ANKFN1: variants seen among roughly 807,000 people sequenced by gnomAD.
ANKFN1 encodes ankyrin repeat and fibronectin type-III domain-containing protein 1.
ANKFN1 carries 74 observed loss-of-function variants against 108.7 expected under a neutral mutation model. The ratio of observed to expected loss-of-function variants is 0.68; its 90% CI spans 0.56 to 0.83. The LOEUF is 0.83. ANKFN1 is among the 40% of genes least tolerant of loss of function. ANKFN1 has a pLI of 0.00. For missense variants in ANKFN1, 1,505 were observed against 1,382.3 expected (o/e 1.09, Z -1.41); for synonymous variants, 547 against 516.2 (o/e 1.06, Z -0.81).
chr17:56,260,839 G>A (rs2043492236), intron 3 of ANKFN1, among the ~76,000 whole-genome samples: 1 of 152,118 alleles, frequency 6.6e-6, no homozygotes, highest in Admixed American at 6.5e-5. Context: ...CCTGCTTAGT[G>A]CCTGGGTGGC....
intron 4 of ANKFN1, among the ~76,000 whole-genome samples, chr17:56,048,634 G>A (rs1474466928): frequency 1.3e-5 from 2 of 152,196 alleles, no homozygotes; most frequent in Non-Finnish European, 2.9e-5. Flanking sequence ...ACAGGCATGA[G>A]GAAATCAAGC....
chr17:56,401,671 CT>C (rs2047770283), intron 8 of ANKFN1, among the ~76,000 whole-genome samples: 1 of 151,824 alleles, frequency 6.6e-6, no homozygotes, highest in African/African-American at 2.4e-5. Flanking sequence ...CTGAATGCCC[CT>C]TTTTTTCTCT....
At chr17:56,215,539 CTGAT>C (rs1346127159) in intron 2 of ANKFN1, among the ~76,000 whole-genome samples, 1 of 152,194 alleles carries the variant, frequency 6.6e-6, no homozygotes, top group Non-Finnish European at 1.5e-5. Flanking sequence ...AAGAAAGAAT[CTGAT>C]TGAGACAGGA....
chr17:56,341,223 T>G (rs2045950161), intron 4 of ANKFN1, among the ~76,000 whole-genome samples: 1 of 152,156 alleles, frequency 6.6e-6, no homozygotes, highest in African/African-American at 2.4e-5. Context: ...TGGGATTTTC[T>G]AGATATAAGA....
chr17:56,497,742 TA>T, intron 19 of ANKFN1, among the ~76,000 whole-genome samples: 1 of 152,238 alleles, frequency 6.6e-6, no homozygotes, highest in South Asian at 2.1e-4. Flanking sequence ...AAATAAATCC[TA>T]AAGTTTCAGA....
intron 1 of ANKFN1, among the ~76,000 whole-genome samples, chr17:56,200,359 G>A (rs1175195268): frequency 6.6e-6 from 1 of 152,214 alleles, no homozygotes; most frequent in Non-Finnish European, 1.5e-5. Flanking sequence ...TTCTGACTCT[G>A]CCATGAATTG....
At chr17:56,471,641 A>C (rs1260785419) in intron 15 of ANKFN1, 1 of 152,352 alleles carries the variant, frequency 6.6e-6, no homozygotes, top group Non-Finnish European at 1.5e-5. Context: ...AGTAAACTAG[A>C]TGGCAAACAA....
At chr17:56,256,625 A>C (rs1387536310) in intron 3 of ANKFN1, among the ~76,000 whole-genome samples, 2 of 152,250 alleles carry the variant, frequency 1.3e-5, no homozygotes, top group Non-Finnish European at 2.9e-5. Context: ...ATAAACATTT[A>C]AAATGTTAGA....
At chr17:56,197,155 T>G (rs1057498330) in intron 1 of ANKFN1, among the ~76,000 whole-genome samples, 2 of 152,192 alleles carry the variant, frequency 1.3e-5, no homozygotes, top group Non-Finnish European at 2.9e-5. Context: ...TAGTACAGCG[T>G]ATCTATATTA....
At chr17:56,172,812 A>T (rs1910800024) in intron 1 of ANKFN1, among the ~76,000 whole-genome samples, 3 of 152,140 alleles carry the variant, frequency 2.0e-5, no homozygotes, top group Non-Finnish European at 1.5e-5. Context: ...CTGACAACTG[A>T]TACTACCGGT....
chr17:56,458,397 GA>G, intron 14 of ANKFN1, among the ~76,000 whole-genome samples: 1 of 151,580 alleles, frequency 6.6e-6, no homozygotes, highest in South Asian at 2.1e-4. Flanking sequence ...TATGAAGATG[GA>G]AAAAAGAGAC....
chr17:56,488,671 GCACCTT>G (rs2050933032), intron 18 of ANKFN1, among the ~76,000 whole-genome samples: 1 of 152,162 alleles, frequency 6.6e-6, no homozygotes, highest in African/African-American at 2.4e-5. Context: ...CTTTAGAGGG[GCACCTT>G]GTGCCCCAGT....
chr17:56,485,545 A>G lies in ANKFN1; in HGVS notation c.2260+3021A>G, dbSNP rs571044025. On this transcript the variant is annotated intron_variant, in intron 18 of 20. Coordinates refer to ENST00000682825, the MANE Select transcript of ANKFN1 (RefSeq NM_001370326.1). ...TCACAGGCCATGTTAAGGAATTTTTACTTTAAGTATGTTGGAAATCCAATG... is the reference window on the plus strand; with the variant it reads ...TCACAGGCCATGTTAAGGAATTTTTGCTTTAAGTATGTTGGAAATCCAATG... Among the ~76,000 whole-genome samples, 5 of 152,318 alleles carry G rather than the reference A, an allele frequency of 3.3e-5. No homozygotes were observed. In the East Asian group the frequency reaches 9.6e-4, roughly 29 times the overall value.
chr17:56,391,718 G>A (rs116740202), intron 8 of ANKFN1, among the ~76,000 whole-genome samples: 3,160 of 152,034 alleles, frequency 0.021, 111 homozygotes, highest in African/African-American at 0.07. Flanking sequence ...GAGCCACCGC[G>A]CCTGACCAAG....
intron 8 of ANKFN1, among the ~76,000 whole-genome samples, chr17:56,398,226 G>A (rs1029433697): frequency 9.9e-5 from 15 of 151,990 alleles, no homozygotes; most frequent in Admixed American, 5.9e-4. Context: ...CCTGGCACTT[G>A]GTACATGATA....
rs118048771 is a variant in ANKFN1, at chr17:56,244,868, T to A, written c.53+16911T>A. ...TGGAAGGGTTTAATTTAGACAAGTA[T>A]CACTCAGATGGCCATTTTTTTTGTT... On this transcript the variant is annotated intron_variant, in intron 3 of 20. Transcript: ENST00000682825. Among the ~76,000 whole-genome samples, 99 of 152,282 alleles carry A rather than the reference T, an allele frequency of 6.5e-4. 1 individual carries two copies. In the East Asian group the frequency reaches 6.9e-3, roughly 11 times the overall value.
chr17:56,449,000 C>A, intron 10 of ANKFN1, 79 bp from the exon 11 acceptor site: 1 of 1,258,050 alleles, frequency 7.9e-7, no homozygotes, highest in South Asian at 1.3e-5. Context: ...ATGAGCAAAA[C>A]TCCGGCTCCT....
chr17:56,228,146 C>T, intron 3 of ANKFN1, 189 bp downstream of exon 3: 1 of 518,888 alleles, frequency 1.9e-6, no homozygotes, highest in Non-Finnish European at 3.3e-6. Context: ...AATTTGGAAG[C>T]AGATTGAACT....
intron 4 of ANKFN1, among the ~76,000 whole-genome samples, chr17:56,131,449 C>T (rs7359678): frequency 0.37 from 56,775 of 151,970 alleles, 10,943 homozygotes; most frequent in East Asian, 0.53. Context: ...TCTGAAGCCA[C>T]CATAATTGTT....
Sources: gnomAD v4.1 joint callset for allele counts (sites outside exome capture counted in the v4.1 genomes callset) on GRCh38, gnomAD v4.1.1 for gene constraint, MANE v1.5 for transcripts, NCBI Gene and HGNC (gene_info 2026-07-23, HGNC 2026-07-21) for gene names.